Variants in FAM219A observed in about 807,000 individuals in gnomAD.
FAM219A encodes the protein protein FAM219A.
In FAM219A, 7 loss-of-function variants were observed where a neutral mutation model predicts 23.4. The ratio of observed to expected loss-of-function variants is 0.30; its 90% CI spans 0.17 to 0.56. The LOEUF is 0.56. Among genes scored for constraint, FAM219A ranks in the 20% least tolerant of loss-of-function variants. The pLI is 0.92. For missense variants in FAM219A, 166 were observed against 246.9 expected, an observed-to-expected ratio of 0.67 and a Z score of 2.20; for synonymous variants, 93 against 99.0, an observed-to-expected ratio of 0.94 and a Z score of 0.36.
At chr9:34,452,875 G>T (rs976214877) in intron 1 of FAM219A, among the ~76,000 whole-genome samples, 1 of 152,088 alleles carries the variant, frequency 6.6e-6, no homozygotes, top group Non-Finnish European at 1.5e-5. Flanking sequence ...CCTGGGCCTG[G>T]TTCTTCTCTT....
intron 1 of FAM219A, among the ~76,000 whole-genome samples, chr9:34,445,959 G>A (rs1315300945): frequency 3.3e-5 from 5 of 152,182 alleles, no homozygotes; most frequent in Non-Finnish European, 7.3e-5. Flanking sequence ...AAGATCACTT[G>A]AAGTCAGGAG....
chr9:34,452,103 A>G (rs1163656050), intron 1 of FAM219A, among the ~76,000 whole-genome samples: 1 of 152,208 alleles, frequency 6.6e-6, no homozygotes, highest in East Asian at 1.9e-4. Context: ...GAAAATAACA[A>G]CAACAAAACC....
chr9:34,408,835 G>C (rs935030728), intron 1 of FAM219A, among the ~76,000 whole-genome samples: 1 of 152,068 alleles, frequency 6.6e-6, no homozygotes, highest in Non-Finnish European at 1.5e-5. Context: ...CCTTTCCCTG[G>C]GGCTGATTTT....
chr9:34,439,202 C>G (rs577890121), intron 1 of FAM219A, among the ~76,000 whole-genome samples: 1 of 152,218 alleles, frequency 6.6e-6, no homozygotes, highest in Non-Finnish European at 1.5e-5. Context: ...ACACTCACCG[C>G]GAGGGTCCGC....
chr9:34,410,269 G>A (rs1326211831), intron 1 of FAM219A, among the ~76,000 whole-genome samples: 1 of 152,190 alleles, frequency 6.6e-6, no homozygotes, highest in Non-Finnish European at 1.5e-5. Flanking sequence ...GGCCTCACTT[G>A]TTGGAGCTGT....
chr9:34,426,367 G>A (rs1393501511), intron 1 of FAM219A, among the ~76,000 whole-genome samples: 1 of 152,060 alleles, frequency 6.6e-6, no homozygotes, highest in Non-Finnish European at 1.5e-5. Flanking sequence ...GAGAAATGAT[G>A]GTATATAGAA....
chr9:34,442,287 A>G (rs1458452980), intron 1 of FAM219A, among the ~76,000 whole-genome samples: 1 of 152,204 alleles, frequency 6.6e-6, no homozygotes, highest in African/African-American at 2.4e-5. Flanking sequence ...ATTGTGGGAA[A>G]CTCTATAGGA....
chr9:34,430,295 G>A (rs933906461), intron 1 of FAM219A, among the ~76,000 whole-genome samples: 10 of 152,136 alleles, frequency 6.6e-5, no homozygotes, highest in African/African-American at 2.2e-4. Context: ...CTGGGAGGCT[G>A]AGTTGGGTGG....
chr9:34,422,480 C>T (rs539050050), intron 1 of FAM219A, among the ~76,000 whole-genome samples: 2 of 152,344 alleles, frequency 1.3e-5, no homozygotes, highest in Admixed American at 1.3e-4. Flanking sequence ...AGAACTTACA[C>T]CTCTGTGGGA....
rs1427988242 is a variant in FAM219A, at chr9:34,402,373, G to GC, written c.344+13dup. The stretch of plus-strand genomic sequence containing the variant: ...CTTTGGGCTGCCCAGCTACCCCCAA[G>GC]CCCCCATACACACCTGTCCGTGTCA... On this transcript the variant is annotated intron_variant, in intron 4 of 5. Transcript: ENST00000651358. 1 of 1,614,038 alleles carries GC rather than the reference G, an allele frequency of 6.2e-7. No individual in the cohort carries two copies. Among genetic ancestry groups the GC allele is most frequent in the African/African-American group, 1.3e-5 (1 of 74,926 alleles).
intron 1 of FAM219A, among the ~76,000 whole-genome samples, chr9:34,425,752 G>C (rs1822441742): frequency 6.6e-6 from 1 of 152,178 alleles, no homozygotes; most frequent in Admixed American, 6.5e-5. Flanking sequence ...AATGAGGTTA[G>C]ACTGACTTTT....
chr9:34,437,142 C>T (rs1374388166), intron 1 of FAM219A, among the ~76,000 whole-genome samples: 1 of 152,178 alleles, frequency 6.6e-6, no homozygotes, highest in Non-Finnish European at 1.5e-5. Flanking sequence ...TTCCGGGGCT[C>T]TATCTTTCAT....
chr9:34,434,812 TTTTC>T (rs141762948), intron 1 of FAM219A, among the ~76,000 whole-genome samples: 29,927 of 151,504 alleles, frequency 0.2, 3,385 homozygotes, highest in African/African-American at 0.32. Context: ...ATGTTGATGG[TTTTC>T]TTTCTTTCTT....
intron 1 of FAM219A, among the ~76,000 whole-genome samples, chr9:34,411,823 A>C (rs1821835263): frequency 6.6e-6 from 1 of 152,244 alleles, no homozygotes; most frequent in South Asian, 2.1e-4. Flanking sequence ...GAGACACTTG[A>C]AAAGATCTTA....
chr9:34,426,248 G>A (rs1822465740), intron 1 of FAM219A, among the ~76,000 whole-genome samples: 2 of 152,100 alleles, frequency 1.3e-5, no homozygotes, highest in African/African-American at 4.8e-5. Context: ...AAAACATCCC[G>A]AATGTTGAAA....
At chr9:34,401,247 C>A (rs1821416910) in intron 5 of FAM219A, 125 bp from the exon 6 acceptor site, 3 of 1,227,008 alleles carry the variant, frequency 2.4e-6, no homozygotes, top group East Asian at 4.8e-5. Flanking sequence ...CCCGCCCTGT[C>A]CCGGGTCTGT....
intron 1 of FAM219A, among the ~76,000 whole-genome samples, chr9:34,455,976 T>C (rs1042899164): frequency 6.6e-6 from 1 of 152,150 alleles, no homozygotes; most frequent in South Asian, 2.1e-4. Flanking sequence ...GCAGACCACT[T>C]GAGGTCAGGC....
At chr9:34,419,508 A>G (rs1242860647) in intron 1 of FAM219A, among the ~76,000 whole-genome samples, 2 of 152,118 alleles carry the variant, frequency 1.3e-5, no homozygotes, top group African/African-American at 4.8e-5. Context: ...CAGTTCTTCA[A>G]GATAAGGGAG....
At chr9:34,401,384 CT>C (rs1216503261) in intron 5 of FAM219A, among the ~76,000 whole-genome samples, 2 of 152,220 alleles carry the variant, frequency 1.3e-5, no homozygotes, top group Non-Finnish European at 2.9e-5. Flanking sequence ...GGTTTTGCCC[CT>C]ATCTCAGGCC....
Sources: gnomAD v4.1 joint callset for allele counts (sites outside exome capture counted in the v4.1 genomes callset) on GRCh38, gnomAD v4.1.1 for gene constraint, MANE v1.5 for transcripts, NCBI Gene and HGNC (gene_info 2026-07-23, HGNC 2026-07-21) for gene names.